The following CDYL variants were observed in gnomAD, a reference collection of about 807,000 sequenced individuals.
CDYL encodes chromodomain Y-like protein.
Under a neutral mutation model 47.3 loss-of-function variants are expected in CDYL, and 8 were observed. The ratio of observed to expected loss-of-function variants is 0.17; its 90% confidence interval spans 0.10 to 0.31. The LOEUF is 0.31. CDYL is among the 10% of genes least tolerant of loss of function. The pLI is 1.00. For synonymous variants in CDYL, 266 were observed against 265.0 expected (o/e 1.00, Z -0.04); for missense variants, 471 against 701.4 (o/e 0.67, Z 3.71).
At chr6:4,712,180 GA>G (rs1420831471) in intron 1 of CDYL, among the ~76,000 whole-genome samples, 1 of 152,230 alleles carries the variant, frequency 6.6e-6, no homozygotes, top group Non-Finnish European at 1.5e-5. Context: ...AGGACAGGCA[GA>G]AAAGAGCACC....
intron 2 of CDYL, among the ~76,000 whole-genome samples, chr6:4,721,871 T>G (rs1757376930): frequency 1.4e-5 from 2 of 144,350 alleles, no homozygotes; most frequent in Admixed American, 7.0e-5. Context: ...TTTTTTGGGG[T>G]TTTTTTTTTT....
chr6:4,713,557 TAC>T (rs1171052282), intron 1 of CDYL, among the ~76,000 whole-genome samples: 4 of 150,866 alleles, frequency 2.7e-5, no homozygotes, highest in Non-Finnish European at 4.4e-5. Context: ...AAAAACTGAA[TAC>T]AGAGTCTTAA....
intron 1 of CDYL, among the ~76,000 whole-genome samples, chr6:4,868,740 A>G (rs1310418997): frequency 8.5e-5 from 13 of 152,228 alleles, no homozygotes; most frequent in Non-Finnish European, 2.9e-5. Context: ...ATATCAAACT[A>G]TAAATGTAGA....
intron 1 of CDYL, among the ~76,000 whole-genome samples, chr6:4,796,874 ATTC>A (rs879889744): frequency 3.3e-5 from 5 of 152,092 alleles, no homozygotes; most frequent in Admixed American, 3.3e-4. Context: ...GCTGTTTATC[ATTC>A]TTCTTGGCTT....
rs1237069161 is a variant in CDYL at position 4,708,802 on chromosome 6, T to A, written c.-39+2551T>A. ...GGGAGGCCAAGATGGGTGGATCACC[T>A]GAGGTCAGGAGTTCAAGACCAGCCC... is the stretch of plus-strand genomic sequence containing the variant. On this transcript the variant is annotated intron_variant, in intron 1 of 8. Transcript: ENST00000328908. 3.3e-5 allele frequency among the ~76,000 whole-genome samples: 5 copies of A among 152,096 alleles called. No homozygotes were observed. In the East Asian group the frequency reaches 9.7e-4, roughly 30 times the overall value.
chr6:4,856,400 A>G (rs996424235), intron 1 of CDYL, among the ~76,000 whole-genome samples: 2 of 152,186 alleles, frequency 1.3e-5, no homozygotes, highest in Non-Finnish European at 2.9e-5. Context: ...GGCAGAGGCC[A>G]TGGAAGTGCA....
intron 1 of CDYL, among the ~76,000 whole-genome samples, chr6:4,858,706 G>A (rs1316006223): frequency 6.6e-6 from 1 of 152,224 alleles, no homozygotes; most frequent in African/African-American, 2.4e-5. Flanking sequence ...AAGGCTGTCA[G>A]CTTGAAGGTG....
intron 3 of CDYL, 58 bp from the exon 4 acceptor site, chr6:4,937,507 G>T (rs199874772): frequency 7.6e-7 from 1 of 1,308,124 alleles, no homozygotes; most frequent in Non-Finnish European, 1.0e-6. Context: ...AAAAAAAAAT[G>T]CTTTAAGATT....
chr6:4,714,971 A>T (rs1195861702), intron 1 of CDYL: 2 of 152,230 alleles, frequency 1.3e-5, no homozygotes, highest in African/African-American at 4.8e-5. Context: ...TTGTGTCTTA[A>T]AAGCCAAAGG....
At chr6:4,707,494 G>T (rs1345922519) in intron 1 of CDYL, among the ~76,000 whole-genome samples, 2 of 152,156 alleles carry the variant, frequency 1.3e-5, no homozygotes, top group African/African-American at 4.8e-5. Flanking sequence ...GGATGGTCTT[G>T]ATCTCTTGAC....
chr6:4,756,346 G>A (rs1758074059), intron 3 of CDYL, among the ~76,000 whole-genome samples: 1 of 152,036 alleles, frequency 6.6e-6, no homozygotes, highest in Non-Finnish European at 1.5e-5. Context: ...CACACTGCTT[G>A]GAATAGGCAT....
chr6:4,811,724 C>T (rs1199224620), intron 1 of CDYL, among the ~76,000 whole-genome samples: 2 of 151,620 alleles, frequency 1.3e-5, no homozygotes, highest in Non-Finnish European at 2.9e-5. Context: ...TCCTGCCCTG[C>T]CTTTCCAAAG....
At chr6:4,795,445 A>G (rs1006709039) in intron 1 of CDYL, among the ~76,000 whole-genome samples, 4 of 152,182 alleles carry the variant, frequency 2.6e-5, no homozygotes, top group African/African-American at 9.6e-5. Flanking sequence ...ATTTTTGGAA[A>G]TTCTGTTTTT....
chr6:4,844,488 A>G (rs1443328644), intron 1 of CDYL, among the ~76,000 whole-genome samples: 1 of 152,012 alleles, frequency 6.6e-6, no homozygotes, highest in Non-Finnish European at 1.5e-5. Flanking sequence ...TAGTTCTTGG[A>G]GCAAAAGTTA....
chr6:4,941,171 A>G (rs947155), intron 4 of CDYL, among the ~76,000 whole-genome samples: 132,893 of 152,274 alleles, frequency 0.87, 59,516 homozygotes, highest in Non-Finnish European at 0.98. Flanking sequence ...ACTTCAGTAC[A>G]TTGCATGGCA....
intron 1 of CDYL, among the ~76,000 whole-genome samples, chr6:4,788,287 C>T (rs1265762942): frequency 6.6e-6 from 1 of 151,516 alleles, no homozygotes; most frequent in Non-Finnish European, 1.5e-5. Flanking sequence ...GCCAGGAGTT[C>T]AAGACCAGCC....
intron 2 of CDYL, among the ~76,000 whole-genome samples, chr6:4,733,532 A>G (rs1028090829): frequency 6.6e-6 from 1 of 152,154 alleles, no homozygotes; most frequent in African/African-American, 2.4e-5. Flanking sequence ...TACACCATGA[A>G]ATACTTTTTT....
chr6:4,790,494 CT>C (rs1758889153), intron 1 of CDYL, among the ~76,000 whole-genome samples: 1 of 152,180 alleles, frequency 6.6e-6, no homozygotes, highest in Non-Finnish European at 1.5e-5. Flanking sequence ...TTCTGAAGCG[CT>C]TTTGGAAAGT....
intron 3 of CDYL, among the ~76,000 whole-genome samples, chr6:4,750,229 G>A (rs1351534096): frequency 6.6e-6 from 1 of 151,970 alleles, no homozygotes; most frequent in Non-Finnish European, 1.5e-5. Flanking sequence ...TTGAGACGGA[G>A]TCTTGCTCTG....
Sources: gnomAD v4.1 joint callset for allele counts (sites outside exome capture counted in the v4.1 genomes callset) on GRCh38, gnomAD v4.1.1 for gene constraint, MANE v1.5 for transcripts, NCBI Gene and HGNC (gene_info 2026-07-23, HGNC 2026-07-21) for gene names.